The following SULF1 variants were observed in gnomAD, a reference collection of about 807,000 sequenced individuals.
SULF1 encodes sulfatase 1, also known as extracellular sulfatase Sulf-1.
SULF1 carries 46 observed loss-of-function variants against 110.5 expected under a neutral mutation model. The ratio of observed to expected loss-of-function variants is 0.42; its 90% CI spans 0.33 to 0.53. SULF1 has a LOEUF of 0.53. Ranked by LOEUF, SULF1 falls within the 20% of genes least tolerant of loss-of-function variation. SULF1 has a pLI of 0.12. For synonymous variants in SULF1, 371 were observed against 387.1 expected (o/e 0.96, Z 0.49); for missense variants, 941 against 1,094.2 (o/e 0.86, Z 1.98).
intron 3 of SULF1, among the ~76,000 whole-genome samples, chr8:69,561,611 G>A (rs1296583774): frequency 1.3e-5 from 2 of 152,220 alleles, no homozygotes; most frequent in Admixed American, 1.3e-4. Flanking sequence ...GTCTAACGCA[G>A]TGAGCCTGTA....
At chr8:69,645,255 G>A (rs920337413) in intron 22 of SULF1, among the ~76,000 whole-genome samples, 3 of 152,128 alleles carry the variant, frequency 2.0e-5, no homozygotes, top group Non-Finnish European at 4.4e-5. Flanking sequence ...AGCTGTCAGA[G>A]GGTGTTCATC....
chr8:69,628,270 A>G, intron 18 of SULF1, 34 bp downstream of exon 18: 2 of 1,580,294 alleles, frequency 1.3e-6, no homozygotes, highest in Non-Finnish European at 1.7e-6. Flanking sequence ...ATTTGCTGGG[A>G]GTCAATGACT....
chr8:69,511,473 C>A (rs1048492211), intron 3 of SULF1, among the ~76,000 whole-genome samples: 35 of 152,164 alleles, frequency 2.3e-4, no homozygotes, highest in African/African-American at 8.4e-4. Flanking sequence ...AGCATCTCCC[C>A]TAGTACAACA....
intron 1 of SULF1, among the ~76,000 whole-genome samples, chr8:69,485,991 T>C (rs990666312): frequency 3.9e-5 from 6 of 152,230 alleles, no homozygotes; most frequent in Non-Finnish European, 2.9e-5. Context: ...CAGGTTATTA[T>C]TAATGATTGT....
chr8:69,529,085 A>T (rs959743544), intron 3 of SULF1, among the ~76,000 whole-genome samples: 4 of 152,140 alleles, frequency 2.6e-5, no homozygotes, highest in African/African-American at 9.7e-5. Flanking sequence ...TGATACTCTT[A>T]CTCCAGCTTT....
intron 22 of SULF1, among the ~76,000 whole-genome samples, chr8:69,652,941 A>C (rs965525872): frequency 3.9e-5 from 6 of 152,038 alleles, no homozygotes; most frequent in African/African-American, 1.2e-4. Flanking sequence ...GCTCAATTAA[A>C]CTCTGTTAAA....
Position 69,564,043 on chromosome 8 carries a change from C to G in SULF1, c.68C>G (p.Ser23Trp). 2 of 1,614,132 alleles carry G rather than the reference C, an allele frequency of 1.2e-6. No individual in the cohort carries two copies. Among genetic ancestry groups the G allele is most frequent in the Non-Finnish European group, 8.5e-7 (1 of 1,180,022 alleles). Residue 23 changes from serine to tryptophan, a missense_variant, in exon 5 of 23, where the codon TCG (serine) becomes TGG (tryptophan). By Grantham distance (177) the Ser-to-Trp change is radical. Around this residue, in one of 3 missense-constraint regions of SULF1, gnomAD observed 822 missense variants for 934.3 expected, o/e 0.88. Coordinates refer to ENST00000402687, the MANE Select transcript of SULF1 (RefSeq NM_001128205.2). ...ACAGAATTGCTGGGAAGCCTCTGTT[C>G]GACTGTCAGATCCCCGAGGTTCAGA... ...LGTELLGSLC[S>W]TVRSPRFRGR...
chr8:69,644,760 C>CAA (rs59189043), intron 22 of SULF1, among the ~76,000 whole-genome samples: 9 of 115,158 alleles, frequency 7.8e-5, no homozygotes, highest in East Asian at 2.7e-4. Flanking sequence ...GACGCCGTCT[C>CAA]AAAAAAAAAA....
intron 8 of SULF1, among the ~76,000 whole-genome samples, chr8:69,596,600 T>G (rs1211875291): frequency 1.3e-5 from 2 of 152,178 alleles, no homozygotes; most frequent in African/African-American, 4.8e-5. Context: ...ATATCAATTT[T>G]CCTTTTAATG....
chr8:69,604,878 C>T lies in SULF1; in HGVS notation c.1323C>T (p.Val441=). 1 of 1,614,216 alleles carries T rather than the reference C, an allele frequency of 6.2e-7. No individual in the cohort carries two copies. Among genetic ancestry groups the T allele is most frequent in the Non-Finnish European group, 8.5e-7 (1 of 1,180,044 alleles). Residue 441 remains valine (V), a synonymous_variant, in exon 13 of 23, where the codon GTC becomes GTT. Transcript: ENST00000402687. The part of the protein sequence containing the change: ...QSNHLPKYER[V]KELCQQARYQ... ...ATCACTTGCCCAAATATGAACGGGT[C>T]AAAGAACTATGCCAGCAGGCCAGGT...
rs368822296 is a variant in SULF1 at position 69,621,220 on chromosome 8, A to G, written c.1563A>G (p.Gln521=). The part of the protein sequence containing the change: ...YRASRSQRKS[Q]RQFLRNQGTP... ...CCAGCAGAAGCCAAAGAAAGAGTCA[A>G]CGGCAATTCTTGAGAAACCAGGGGA... Residue 521 remains glutamine, a synonymous_variant, in exon 14 of 23, where the codon CAA becomes CAG. Transcript: ENST00000402687. The G allele has an allele frequency of 6.2e-6, 10 of 1,613,898 alleles. No homozygotes were observed. Among genetic ancestry groups the G allele is most frequent in the African/African-American group, 1.3e-5 (1 of 75,060 alleles).
At chr8:69,484,538 C>T (rs980788462) in intron 1 of SULF1, among the ~76,000 whole-genome samples, 12 of 152,126 alleles carry the variant, frequency 7.9e-5, no homozygotes, top group Admixed American at 5.2e-4. Flanking sequence ...AAGCAGAAAA[C>T]AAATTTCACT....
chr8:69,493,489 A>ACT (rs1810094449), intron 1 of SULF1, among the ~76,000 whole-genome samples: 1 of 129,570 alleles, frequency 7.7e-6, no homozygotes, highest in East Asian at 2.4e-4. Flanking sequence ...ACACACACAC[A>ACT]CTCCTTTTTG....
chr8:69,627,951 C>G, intron 17 of SULF1, 85 bp downstream of exon 17: 1 of 1,041,420 alleles, frequency 9.6e-7, no homozygotes, highest in Non-Finnish European at 1.5e-6. Context: ...ATTTTTCTCT[C>G]TTACCTATAG....
chr8:69,571,157 C>G (rs1805202686), intron 5 of SULF1, among the ~76,000 whole-genome samples: 1 of 152,212 alleles, frequency 6.6e-6, no homozygotes, highest in African/African-American at 2.4e-5. Context: ...GACCTCTGTT[C>G]TCTCCTCCAG....
At chr8:69,594,292 C>G (rs1254437327) in intron 8 of SULF1, among the ~76,000 whole-genome samples, 1 of 152,162 alleles carries the variant, frequency 6.6e-6, no homozygotes, top group African/African-American at 2.4e-5. Flanking sequence ...CTCAGGTGAT[C>G]CGCCCGCCTC....
At chr8:69,549,105 C>T (rs1247512413) in intron 3 of SULF1, among the ~76,000 whole-genome samples, 1 of 152,164 alleles carries the variant, frequency 6.6e-6, no homozygotes, top group African/African-American at 2.4e-5. Flanking sequence ...GAACAGCACT[C>T]GCAGTTTCCA....
intron 1 of SULF1, among the ~76,000 whole-genome samples, chr8:69,480,228 C>A (rs1809461998): frequency 6.6e-6 from 1 of 152,148 alleles, no homozygotes; most frequent in Admixed American, 6.5e-5. Context: ...TTGCACTAAA[C>A]CACTGGAACT....
intron 22 of SULF1, among the ~76,000 whole-genome samples, chr8:69,654,377 C>T (rs1812563518): frequency 6.6e-6 from 1 of 152,172 alleles, no homozygotes; most frequent in Non-Finnish European, 1.5e-5. Context: ...GTACCTCTTG[C>T]TCAGTCTGCT....
Sources: allele counts gnomAD v4.1 joint callset (sites outside exome capture counted in the v4.1 genomes callset), GRCh38; gene constraint gnomAD v4.1.1; regional missense constraint gnomAD v4.1.1; transcripts MANE v1.5; gene names NCBI Gene and HGNC (gene_info 2026-07-23, HGNC 2026-07-21).